Variants in UFSP2 observed in about 807,000 individuals in gnomAD.
UFSP2 encodes ufm1-specific protease 2.
In UFSP2, 43 loss-of-function variants were observed where a neutral mutation model predicts 60.2. The observed-to-expected ratio is 0.71, with a 90% CI of 0.56 to 0.92. The LOEUF is 0.92. UFSP2 is among the 40% of genes least tolerant of loss of function. The pLI, the probability that UFSP2 is intolerant of heterozygous loss-of-function variation, is 0.00. For synonymous variants in UFSP2, 183 were observed against 195.1 expected (o/e 0.94, Z 0.52); for missense variants, 520 against 575.0 (o/e 0.90, Z 0.98).
intron 7 of UFSP2, among the ~76,000 whole-genome samples, chr4:185,411,105 C>A: frequency 7.0e-6 from 1 of 143,276 alleles, no homozygotes; most frequent in Non-Finnish European, 1.5e-5. Context: ...TAGAGGGGGC[C>A]AACAAAGCCA....
chr4:185,419,218 G>A (rs1291592333), intron 2 of UFSP2, among the ~76,000 whole-genome samples: 2 of 151,806 alleles, frequency 1.3e-5, no homozygotes, highest in Admixed American at 6.6e-5. Flanking sequence ...TGCAAGCTCC[G>A]CCTCCCGGGT....
chr4:185,400,993 T>C (rs1445128515), intron 11 of UFSP2, among the ~76,000 whole-genome samples: 1 of 152,348 alleles, frequency 6.6e-6, no homozygotes, highest in East Asian at 1.9e-4. Context: ...TTAATCCTTT[T>C]TGCCAGCAGA....
chr4:185,406,656 A>G (rs1580053617), intron 9 of UFSP2, among the ~76,000 whole-genome samples: 1 of 151,994 alleles, frequency 6.6e-6, no homozygotes, highest in African/African-American at 2.4e-5. Flanking sequence ...GCTCACTGCA[A>G]CCTCCGCCTC....
intron 7 of UFSP2, among the ~76,000 whole-genome samples, chr4:185,413,225 T>A (rs2095532605): frequency 6.6e-6 from 1 of 151,920 alleles, no homozygotes; most frequent in African/African-American, 2.4e-5. Flanking sequence ...CTGTCTCTAC[T>A]AAAAATACAA....
rs762930916 is a variant in UFSP2 at position 185,402,293 on chromosome 4, T to G, written c.1323+1201A>C. The G allele has an allele frequency of 1.3e-4, 58 of 455,434 alleles. 1 individual carries two copies. Among genetic ancestry groups the G allele is most frequent in the South Asian group, 8.8e-4 (57 of 64,496 alleles). The allele number at this position is 455,434 out of a possible 1,614,324, so 28.2% of individuals were successfully genotyped here. A position where few individuals can be genotyped will look rare whatever the true frequency, so the allele number is the denominator to read the frequency against. The stretch of plus-strand genomic sequence containing the variant: ...ACAAGAATATTGCTACTATATTCAG[T>G]AAGATACATGCACCAGTCAAAAAAC... On this transcript the variant is annotated intron_variant, in intron 11 of 11. Coordinates refer to ENST00000264689, the MANE Select transcript of UFSP2 (RefSeq NM_018359.5).
In UFSP2 at chr4:185,422,570, C is replaced by T; in HGVS notation, c.4-7G>A. On this transcript the variant is annotated splice_region_variant and splice_polypyrimidine_tract_variant and intron_variant, in intron 1 of 11. Transcript: ENST00000264689. ...CCATACTTTCTGAAATCACCTAGAA[C>T]AAATAAAGATAAAGACAAACTCCCT... The T allele has an allele frequency of 6.3e-7, 1 of 1,583,296 alleles. No individual in the cohort carries two copies. Among genetic ancestry groups the T allele is most frequent in the Non-Finnish European group, 8.6e-7 (1 of 1,166,894 alleles).
At position 185,400,380 on chromosome 4, in the gene UFSP2, C is replaced by T. The variant is rs1215683286; in HGVS notation, c.*12G>A. 2 of 1,599,452 alleles carry T rather than the reference C, an allele frequency of 1.3e-6. No homozygotes were observed. The highest frequency in any genetic ancestry group is 2.7e-5 in the African/African-American group (2 of 74,546). On this transcript the variant is annotated 3_prime_UTR_variant, in exon 12 of 12. Transcript: ENST00000264689. ...AATACCACTCTACTGCAGTCTTTGA[C>T]TCCAAGATATTTTAAATCATATTTG...
Position 185,413,843 on chromosome 4 carries a change from G to T in UFSP2, c.714C>A (p.His238Gln), listed in dbSNP as rs773020299. 6.2e-7 allele frequency: 1 copy of T among 1,610,400 alleles called. No homozygotes were observed. The highest frequency in any genetic ancestry group is 8.5e-7 in the Non-Finnish European group (1 of 1,178,772). ...TAGACCTTTTGAAATAGGGTCTGTC[G>T]TGAGGCAGATTGAAAAGATCATGTA... ...KELHDLFNLP[H>Q]DRPYFKRSNA... is the part of the protein sequence containing the mutation. The change falls in exon 7 of 12, where the codon CAC becomes CAA. Residue 238 changes from histidine (H) to glutamine (Q), a missense_variant. By Grantham distance (24) the His-to-Gln change is conservative. Transcript: ENST00000264689.
In UFSP2 at chr4:185,399,731, G is replaced by A. The variant is rs2095510835; in HGVS notation, c.*661C>T. On this transcript the variant is annotated 3_prime_UTR_variant, in exon 12 of 12. Coordinates refer to ENST00000264689, the MANE Select transcript of UFSP2 (RefSeq NM_018359.5). ...GTTGCCGTGCTCAGACAGAAACGGAGTCTCGGAAGTGTAGAAAATACCAGT... is the reference window on the plus strand; with the variant it reads ...GTTGCCGTGCTCAGACAGAAACGGAATCTCGGAAGTGTAGAAAATACCAGT... 6.2e-7 allele frequency: 1 copy of A among 1,614,012 alleles called. No homozygotes were observed. The highest frequency in any genetic ancestry group is 1.7e-5 in the Admixed American group (1 of 60,000).
At position 185,400,237 on chromosome 4, in the gene UFSP2, A is replaced by C. The variant is rs1463163060; in HGVS notation, c.*155T>G. ...TTTTAAGTTATTAAAGGAACGTCTAAAAAATACATTCTCCGTGCAGTATTT... is the reference window on the plus strand; with the variant it reads ...TTTTAAGTTATTAAAGGAACGTCTACAAAATACATTCTCCGTGCAGTATTT... On this transcript the variant is annotated 3_prime_UTR_variant, in exon 12 of 12. Coordinates refer to ENST00000264689, the MANE Select transcript of UFSP2 (RefSeq NM_018359.5). The C allele has an allele frequency of 1.4e-6, 1 of 736,086 alleles. No homozygotes were observed. Among genetic ancestry groups the C allele is most frequent in the Non-Finnish European group, 2.2e-6 (1 of 458,984 alleles). 45.6% of individuals were successfully genotyped at this position (736,086 alleles called of 1,614,324 possible).
At chr4:185,403,703 G>A (rs1030366576) in intron 10 of UFSP2, 85 bp from the exon 11 acceptor site, 87 of 1,508,308 alleles carry the variant, frequency 5.8e-5, no homozygotes, top group African/African-American at 2.5e-4. Flanking sequence ...GATTACGGCC[G>A]GGCGTGGTGG....
At chr4:185,405,378 A>C (rs1249687701) in intron 10 of UFSP2, among the ~76,000 whole-genome samples, 1 of 152,178 alleles carries the variant, frequency 6.6e-6, no homozygotes, top group South Asian at 2.1e-4. Flanking sequence ...AGAATTAAGC[A>C]TCTTTAGATC....
At chr4:185,414,618 C>G (rs746472338) in intron 6 of UFSP2, among the ~76,000 whole-genome samples, 12 of 152,076 alleles carry the variant, frequency 7.9e-5, no homozygotes, top group Non-Finnish European at 1.0e-4. Context: ...TAAGCGAGTC[C>G]ACATATCAAA....
At chr4:185,403,215 G>A (rs1195086110) in intron 11 of UFSP2, among the ~76,000 whole-genome samples, 1 of 152,140 alleles carries the variant, frequency 6.6e-6, no homozygotes, top group African/African-American at 2.4e-5. Context: ...GTTTATGAAA[G>A]CTCTAAAATC....
rs530553349 is a variant in UFSP2 at position 185,415,044 on chromosome 4, A to G, written c.684+111T>C. 17 of 928,792 alleles carry G rather than the reference A, an allele frequency of 1.8e-5. No homozygotes were observed. The South Asian group carries it at 3.1e-4, about 17-fold the overall frequency. 57.5% of individuals were successfully genotyped at this position (928,792 alleles called of 1,614,324 possible). On this transcript the variant is annotated intron_variant, in intron 6 of 11. Transcript: ENST00000264689. Reference sequence around the variant, plus strand: ...GTAAAATGAATAGTCTAAATTCCACACTTTTAAGTTAAATCACAAAATACC... The same window carrying G: ...GTAAAATGAATAGTCTAAATTCCACGCTTTTAAGTTAAATCACAAAATACC...
At chr4:185,409,847 G>C (rs890969669) in intron 7 of UFSP2, among the ~76,000 whole-genome samples, 1 of 152,212 alleles carries the variant, frequency 6.6e-6, no homozygotes, top group African/African-American at 2.4e-5. Context: ...TAATGTGACT[G>C]AGGAGGCAGA....
At chr4:185,414,972 T>C (rs976869944) in intron 6 of UFSP2, among the ~76,000 whole-genome samples, 183 bp downstream of exon 6, 2 of 152,220 alleles carry the variant, frequency 1.3e-5, no homozygotes, top group African/African-American at 4.8e-5. Context: ...TAACATTTTG[T>C]CATTAATACT....
chr4:185,422,263 T>C (rs2095550772), intron 2 of UFSP2, among the ~76,000 whole-genome samples: 2 of 152,224 alleles, frequency 1.3e-5, no homozygotes, highest in East Asian at 1.9e-4. Context: ...TAAAGTCTCT[T>C]AAGAAAGGGA....
intron 7 of UFSP2, among the ~76,000 whole-genome samples, chr4:185,410,945 CA>C (rs374020176): frequency 6.8e-4 from 77 of 113,938 alleles, no homozygotes; most frequent in African/African-American, 2.4e-3. Context: ...GACTCCATCT[CA>C]AAAAAAAAAA....
Sources: gnomAD v4.1 joint callset for allele counts (sites outside exome capture counted in the v4.1 genomes callset) on GRCh38, gnomAD v4.1.1 for gene constraint, MANE v1.5 for transcripts, NCBI Gene and HGNC (gene_info 2026-07-23, HGNC 2026-07-21) for gene names.